Variants in PCDHGB3 observed in about 807,000 individuals in gnomAD.
PCDHGB3 encodes the protein protocadherin gamma subfamily B, 3, also known as protocadherin gamma-B3.
A neutral mutation model predicts 59.2 loss-of-function variants in PCDHGB3; 40 were observed. That is an observed-to-expected ratio of 0.68 (90% CI 0.52 to 0.88). The LOEUF (loss-of-function observed/expected upper bound fraction) is 0.88. Ranked by LOEUF, PCDHGB3 falls within the 40% of genes least tolerant of loss-of-function variation. The probability of loss-of-function intolerance (pLI) is 0.00; values close to 1 mark genes in which losing one functional copy is unlikely to be tolerated. For missense variants in PCDHGB3, 1,309 were observed against 1,187.9 expected (o/e 1.10, Z -1.50); for synonymous variants, 581 against 503.6 (o/e 1.15, Z -2.06).
intron 1 of PCDHGB3, chr5:141,419,682 T>C (rs758536078): frequency 6.2e-7 from 1 of 1,612,950 alleles, no homozygotes; most frequent in Non-Finnish European, 8.5e-7. Flanking sequence ...TCCTACCACG[T>C]GGTGCAGGCC....
intron 1 of PCDHGB3, among the ~76,000 whole-genome samples, chr5:141,462,337 T>C (rs1053544147): frequency 6.6e-6 from 1 of 152,260 alleles, no homozygotes; most frequent in Non-Finnish European, 1.5e-5. Context: ...TTAATTGTAT[T>C]GTGATCCAAA....
chr5:141,398,264 T>C lies in PCDHGB3; in HGVS notation c.2415+25455T>C, dbSNP rs370063277. On this transcript the variant is annotated intron_variant, in intron 1 of 3. Transcript: ENST00000576222. ...CCCGAGGAAATGCCCAAGGGCTCCG[T>C]AGTGGGGAACCTCGCCACGGACCTG... 2,051 of 1,443,238 alleles carry C rather than the reference T, an allele frequency of 1.4e-3. 29 individuals carry two copies. In the African/African-American group the frequency reaches 0.026, roughly 18 times the overall value. 89.4% of individuals were successfully genotyped at this position (1,443,238 alleles called of 1,614,324 possible).
Position 141,486,657 on chromosome 5 carries a change from T to C in PCDHGB3, c.2416-8150T>C. Reference sequence around the variant, plus strand: ...AATGCGCTTATCTCCTACTCACTCCTGGAGCCCAGGAATCGAGATGTATCA... The same window carrying C: ...AATGCGCTTATCTCCTACTCACTCCCGGAGCCCAGGAATCGAGATGTATCA... On this transcript the variant is annotated intron_variant, in intron 1 of 3. Transcript: ENST00000576222. The surrounding 1 kb of genome is among the most constrained non-coding windows in gnomAD (Gnocchi z 5.0). The C allele has an allele frequency of 6.2e-7, 1 of 1,614,010 alleles. No individual in the cohort carries two copies. Among genetic ancestry groups the C allele is most frequent in the Non-Finnish European group, 8.5e-7 (1 of 1,180,030 alleles).
chr5:141,468,351 A>T (rs1030472813), intron 1 of PCDHGB3: 1 of 149,190 alleles, frequency 6.7e-6, no homozygotes, highest in East Asian at 2.0e-4. Flanking sequence ...AAAAAAAAAG[A>T]AAGAAAAAAG....
intron 1 of PCDHGB3, chr5:141,376,307 G>C: frequency 6.2e-7 from 1 of 1,614,192 alleles, no homozygotes; most frequent in Non-Finnish European, 8.5e-7. Flanking sequence ...GCACTTTGTG[G>C]GCGTGGAAGG....
At chr5:141,419,567 G>A in intron 1 of PCDHGB3, 1 of 1,611,758 alleles carries the variant, frequency 6.2e-7, no homozygotes, top group Non-Finnish European at 8.5e-7. Context: ...GCTGGGTCCC[G>A]ACGGCTCCGC....
At chr5:141,373,840 A>T in intron 1 of PCDHGB3, 1 of 434,496 alleles carries the variant, frequency 2.3e-6, no homozygotes, top group Non-Finnish European at 4.1e-6. Context: ...TTAAGTTAGG[A>T]CTCTAAGCGT....
intron 1 of PCDHGB3, chr5:141,415,561 T>C (rs11575963): frequency 0.067 from 108,836 of 1,614,090 alleles, 4,260 homozygotes; most frequent in Non-Finnish European, 0.077. Context: ...CGATCCTTTG[T>C]CTTTGTTAGA....
At chr5:141,427,694 A>G in intron 1 of PCDHGB3, 2 of 913,934 alleles carry the variant, frequency 2.2e-6, no homozygotes, top group South Asian at 1.4e-5. Flanking sequence ...CCTCCATCCC[A>G]CAAGTCAGCG....
chr5:141,374,475 C>T (rs765909880), intron 1 of PCDHGB3: 4 of 1,612,136 alleles, frequency 2.5e-6, no homozygotes, highest in Admixed American at 1.7e-5. Context: ...GACAATACAC[C>T]CCGATTCTTA....
Position 141,399,638 on chromosome 5 carries a change from G to A in PCDHGB3, c.2415+26829G>A, listed in dbSNP as rs1180030777. The A allele has an allele frequency of 3.7e-6, 6 of 1,613,860 alleles. No individual in the cohort carries two copies. The highest frequency in any genetic ancestry group is 1.3e-5 in the African/African-American group (1 of 75,082). ...GCACTGGCCTCTTACGTGTCCATGAGCGCGCAAAGTGGGGTGGTGTTCGCG... is the reference window on the plus strand; with the variant it reads ...GCACTGGCCTCTTACGTGTCCATGAACGCGCAAAGTGGGGTGGTGTTCGCG... On this transcript the variant is annotated intron_variant, in intron 1 of 3. Coordinates refer to ENST00000576222, the MANE Select transcript of PCDHGB3 (RefSeq NM_018924.5).
At chr5:141,465,856 C>T (rs1442431032) in intron 1 of PCDHGB3, among the ~76,000 whole-genome samples, 1 of 152,184 alleles carries the variant, frequency 6.6e-6, no homozygotes, top group East Asian at 1.9e-4. Context: ...GGCCCAGTGG[C>T]TCATGCCTGT....
At position 141,433,188 on chromosome 5, in the gene PCDHGB3, G is replaced by A. The variant is rs2097573612; in HGVS notation, c.2415+60379G>A. The A allele has an allele frequency of 2.5e-6, 4 of 1,583,816 alleles. No homozygotes were observed. The South Asian group carries it at 3.5e-5, about 14-fold the overall frequency. On this transcript the variant is annotated intron_variant, in intron 1 of 3. Coordinates refer to ENST00000576222, the MANE Select transcript of PCDHGB3 (RefSeq NM_018924.5). ...GACAGTCATGGGTTAATTGAGGTGA[G>A]TTTATATCAAATCTTCTTTCTTTTT...
chr5:141,435,792 A>G (rs2097780110), intron 1 of PCDHGB3, among the ~76,000 whole-genome samples: 1 of 152,074 alleles, frequency 6.6e-6, no homozygotes, highest in South Asian at 2.1e-4. Context: ...AGGGAAACAT[A>G]ACGTCCCAAT....
chr5:141,448,118 G>A (rs1356488538), intron 1 of PCDHGB3, among the ~76,000 whole-genome samples: 1 of 151,534 alleles, frequency 6.6e-6, no homozygotes, highest in East Asian at 1.9e-4. Flanking sequence ...AAGAAAATTA[G>A]CCTCCCCCAC....
In PCDHGB3 at chr5:141,505,419, C is replaced by G. The variant is rs1303924776; in HGVS notation, c.2501C>G (p.Thr834Ser). 6 of 1,614,140 alleles carry G rather than the reference C, an allele frequency of 3.7e-6. No individual in the cohort carries two copies. The highest frequency in any genetic ancestry group is 4.2e-6 in the Non-Finnish European group (5 of 1,180,062). Residue 834 changes from threonine to serine, a missense_variant, in exon 3 of 4, where the codon ACC becomes AGC. Thr to Ser is a moderately conservative substitution (Grantham distance 58). Coordinates refer to ENST00000576222, the MANE Select transcript of PCDHGB3 (RefSeq NM_018924.5). ...SGSQNGDDTGTWPNNQFDTEM... is the reference protein window; with the variant it reads ...SGSQNGDDTGSWPNNQFDTEM... ...TCCCAAAATGGCGATGACACCGGCACCTGGCCCAACAACCAGTTTGACACA... is the reference window on the plus strand; with the variant it reads ...TCCCAAAATGGCGATGACACCGGCAGCTGGCCCAACAACCAGTTTGACACA...
At position 141,476,304 on chromosome 5, in the gene PCDHGB3, C is replaced by T. The variant is rs769790423; in HGVS notation, c.2416-18503C>T. On this transcript the variant is annotated intron_variant, in intron 1 of 3. Coordinates refer to ENST00000576222, the MANE Select transcript of PCDHGB3 (RefSeq NM_018924.5). The surrounding 1 kb of genome is among the most constrained non-coding windows in gnomAD (Gnocchi z 7.6). Reference sequence around the variant, plus strand: ...GGTTTGGATCTCGGTAGCCTCTCAGCCCGCAGGTTCCGGGTGGTGTCTGGA... The same window carrying T: ...GGTTTGGATCTCGGTAGCCTCTCAGTCCGCAGGTTCCGGGTGGTGTCTGGA... The T allele has an allele frequency of 6.2e-7, 1 of 1,613,746 alleles. No individual in the cohort carries two copies. Among genetic ancestry groups the T allele is most frequent in the Admixed American group, 1.7e-5 (1 of 59,988 alleles).
chr5:141,490,612 C>G lies in PCDHGB3; in HGVS notation c.2416-4195C>G, dbSNP rs1393568166. ...CAATGCACCCCGCTTCAACCAGCAG[C>G]TTTACACTGCTTACATCCTAGAAAA... On this transcript the variant is annotated intron_variant, in intron 1 of 3. Coordinates refer to ENST00000576222, the MANE Select transcript of PCDHGB3 (RefSeq NM_018924.5). This position sits in a 1 kb window ranked among gnomAD's most constrained non-coding sequence, Gnocchi z 5.4. The G allele has an allele frequency of 6.2e-7, 1 of 1,614,082 alleles. No homozygotes were observed. Among genetic ancestry groups the G allele is most frequent in the Non-Finnish European group, 8.5e-7 (1 of 1,180,032 alleles).
intron 1 of PCDHGB3, chr5:141,420,568 T>C (rs2096507107): frequency 8.5e-6 from 2 of 235,080 alleles, no homozygotes; most frequent in African/African-American, 2.3e-5. Flanking sequence ...CGGCATGGTA[T>C]TTTAATTGAA....
Sources: gnomAD v4.1 joint callset for allele counts (sites outside exome capture counted in the v4.1 genomes callset) on GRCh38, gnomAD v4.1.1 for gene constraint, Gnocchi (gnomAD v3.1) non-coding constraint, MANE v1.5 for transcripts, NCBI Gene and HGNC (gene_info 2026-07-23, HGNC 2026-07-21) for gene names.